Variants in RNFT2 observed in about 807,000 individuals in gnomAD.
The protein encoded by RNFT2 is ring finger protein, transmembrane 2, also known as E3 ubiquitin-protein ligase RNFT2.
Under a neutral mutation model 53.0 loss-of-function variants are expected in RNFT2, and 36 were observed. The observed-to-expected ratio is 0.68, with a 90% CI of 0.52 to 0.90. The LOEUF is 0.90. RNFT2 is among the 40% of genes least tolerant of loss of function. The pLI is 0.00. For synonymous variants in RNFT2, 260 were observed against 253.2 expected (o/e 1.03, Z -0.26); for missense variants, 514 against 585.6 (o/e 0.88, Z 1.26).
At chr12:116,788,796 T>C (rs12312295) in intron 7 of RNFT2, among the ~76,000 whole-genome samples, 15,864 of 150,610 alleles carry the variant, frequency 0.11, 2,384 homozygotes, top group African/African-American at 0.33. Context: ...AATTAGATGA[T>C]CATCTGGGAA....
chr12:116,833,092 T>C (rs148459517), intron 7 of RNFT2, among the ~76,000 whole-genome samples: 13 of 152,132 alleles, frequency 8.5e-5, no homozygotes, highest in Non-Finnish European at 1.5e-4. Flanking sequence ...CTAATTTTTG[T>C]ATTTTTAGTA....
intron 7 of RNFT2, among the ~76,000 whole-genome samples, chr12:116,786,416 C>T (rs376253656): frequency 1.3e-5 from 2 of 152,036 alleles, no homozygotes; most frequent in Non-Finnish European, 2.9e-5. Context: ...CGGCCGAGAT[C>T]GGGTAGTTCT....
At chr12:116,836,731 C>T (rs1382169664) in intron 10 of RNFT2, among the ~76,000 whole-genome samples, 1 of 151,966 alleles carries the variant, frequency 6.6e-6, no homozygotes, top group Non-Finnish European at 1.5e-5. Flanking sequence ...TCGAGACCAG[C>T]TGGGCCAACA....
chr12:116,825,678 A>G (rs117893408), intron 7 of RNFT2, among the ~76,000 whole-genome samples: 1,687 of 152,318 alleles, frequency 0.011, 25 homozygotes, highest in Non-Finnish European at 0.016. Context: ...TGGCAAACAC[A>G]CAAATCAGGG....
chr12:116,779,352 G>A lies in RNFT2; in HGVS notation c.882+4G>A. ...CATCCTGGCTGTCAAGTCCAAGGTA[G>A]GCACTGGCTGCGGCCACAAGGTAGC... On this transcript the variant is annotated splice_donor_region_variant and intron_variant, in intron 7 of 10. Coordinates refer to ENST00000257575, the MANE Select transcript of RNFT2 (RefSeq NM_001382266.1). 6.2e-7 allele frequency: 1 copy of A among 1,613,904 alleles called. No homozygotes were observed. The highest frequency in any genetic ancestry group is 8.5e-7 in the Non-Finnish European group (1 of 1,179,840).
At chr12:116,833,070 C>T (rs961885948) in intron 7 of RNFT2, among the ~76,000 whole-genome samples, 1 of 151,934 alleles carries the variant, frequency 6.6e-6, no homozygotes, top group African/African-American at 2.4e-5. Context: ...ACAGGTGCGC[C>T]ACCACGCTCA....
At chr12:116,836,406 C>A in intron 10 of RNFT2, 124 bp downstream of exon 10, 1 of 770,580 alleles carries the variant, frequency 1.3e-6, no homozygotes, top group South Asian at 1.7e-5. Flanking sequence ...AGACCGGAGT[C>A]AGCCAGACCT....
chr12:116,806,911 C>T (rs1875111223), intron 7 of RNFT2, among the ~76,000 whole-genome samples: 2 of 152,078 alleles, frequency 1.3e-5, no homozygotes, highest in South Asian at 2.1e-4. Context: ...TTCTGGATTC[C>T]GTGTGCCACT....
chr12:116,755,426 A>T, intron 5 of RNFT2: 2 of 1,171,370 alleles, frequency 1.7e-6, no homozygotes, highest in Non-Finnish European at 2.6e-6. Flanking sequence ...AGGTTCCAGC[A>T]GCTCAGGCTC....
chr12:116,800,861 A>AATAAAAT (rs1555207184), intron 7 of RNFT2, among the ~76,000 whole-genome samples: 3 of 141,224 alleles, frequency 2.1e-5, no homozygotes, highest in Admixed American at 7.0e-5. Context: ...AATAAAATAA[A>AATAAAAT]AACCATTTAA....
chr12:116,764,340 C>T lies in RNFT2; in HGVS notation c.628-2474C>T, dbSNP rs113916208. Among the ~76,000 whole-genome samples the T allele has an allele frequency of 2.5e-3, 377 of 152,140 alleles. 2 individuals carry two copies. Among genetic ancestry groups the T allele is most frequent in the African/African-American group, 8.9e-3 (369 of 41,452 alleles). On this transcript the variant is annotated intron_variant, in intron 5 of 10. Coordinates refer to ENST00000257575, the MANE Select transcript of RNFT2 (RefSeq NM_001382266.1). ...TGTAATACCACCTGTTCACCAAAAA[C>T]CTATGGAAATAATTTTTTTTTTAAA... is the stretch of plus-strand genomic sequence containing the variant.
chr12:116,758,044 C>G (rs1316189420), intron 5 of RNFT2, among the ~76,000 whole-genome samples: 3 of 152,272 alleles, frequency 2.0e-5, no homozygotes, highest in Non-Finnish European at 2.9e-5. Flanking sequence ...GTGATATTTT[C>G]CTGTTGGACA....
chr12:116,812,769 A>G (rs1191183105), intron 7 of RNFT2, among the ~76,000 whole-genome samples: 2 of 152,034 alleles, frequency 1.3e-5, no homozygotes, highest in Non-Finnish European at 2.9e-5. Flanking sequence ...CATGGCCTCA[A>G]GTGATCCACC....
intron 10 of RNFT2, among the ~76,000 whole-genome samples, chr12:116,846,716 A>T (rs1452209070): frequency 6.6e-6 from 1 of 151,936 alleles, no homozygotes; most frequent in Non-Finnish European, 1.5e-5. Flanking sequence ...TCTATTCTTC[A>T]TCCAGATTTA....
chr12:116,750,396 C>G, intron 4 of RNFT2, 89 bp downstream of exon 4: 1 of 1,295,414 alleles, frequency 7.7e-7, no homozygotes, highest in Non-Finnish European at 1.1e-6. Context: ...CCTCTGAAGC[C>G]CAGGGAGAGG....
rs138431200 is a variant in RNFT2, at chr12:116,832,130, CA to C, written c.883-1643del. On this transcript the variant is annotated intron_variant, in intron 7 of 10. Transcript: ENST00000257575. ...TGGGCAACATAGCAAGACCTTGTCT[CA>C]AAAAAAAAAAAAAAAAAATATATAT... 1.0e-2 allele frequency among the ~76,000 whole-genome samples: 949 copies of C among 95,266 alleles called. 9 individuals are homozygous for C. Among genetic ancestry groups the C allele is most frequent in the African/African-American group, 0.027 (615 of 22,384 alleles). The allele number at this position is 95,266 out of a possible 152,430, so 62.5% of individuals were successfully genotyped here. A position where few individuals can be genotyped will look rare whatever the true frequency, so the allele number is the denominator to read the frequency against.
intron 7 of RNFT2, among the ~76,000 whole-genome samples, chr12:116,828,538 T>C (rs1876463840): frequency 6.6e-6 from 1 of 152,202 alleles, no homozygotes; most frequent in South Asian, 2.1e-4. Context: ...TCTTCCTCAT[T>C]GGGTAGCAAG....
At chr12:116,835,803 C>CT (rs1565874220) in intron 8 of RNFT2, among the ~76,000 whole-genome samples, 157 bp from the exon 9 acceptor site, 1 of 152,134 alleles carries the variant, frequency 6.6e-6, no homozygotes, top group African/African-American at 2.4e-5. Context: ...AGCCATGCAA[C>CT]ACTGTTGGGA....
chr12:116,798,462 C>T (rs1387386327), intron 7 of RNFT2, among the ~76,000 whole-genome samples: 1 of 152,210 alleles, frequency 6.6e-6, no homozygotes, highest in African/African-American at 2.4e-5. Context: ...AAACCCTCTG[C>T]CATTTACCAG....
Sources: gnomAD v4.1 joint callset for allele counts (sites outside exome capture counted in the v4.1 genomes callset) on GRCh38, gnomAD v4.1.1 for gene constraint, MANE v1.5 for transcripts, NCBI Gene and HGNC (gene_info 2026-07-23, HGNC 2026-07-21) for gene names.